EMC7: variants seen among roughly 807,000 people sequenced by gnomAD.
EMC7 encodes endoplasmic reticulum membrane protein complex subunit 7.
In EMC7, 4 loss-of-function variants were observed where a neutral mutation model predicts 24.4. The observed-to-expected ratio is 0.16, with a 90% CI of 0.08 to 0.38. The LOEUF is 0.38. Ranked by LOEUF, EMC7 falls within the 10% of genes least tolerant of loss-of-function variation. EMC7 has a pLI of 1.00. For synonymous variants in EMC7, 106 were observed against 112.0 expected, an observed-to-expected ratio of 0.95 and a Z score of 0.34; for missense variants, 221 against 300.6, an observed-to-expected ratio of 0.74 and a Z score of 1.96.
At position 34,084,421 on chromosome 15, in the gene EMC7, C is replaced by T. The variant is rs1392002056; in HGVS notation, c.642G>A (p.Met214Ile). The change falls in exon 5 of 5, where the codon ATG (methionine) becomes ATA (isoleucine). Residue 214 changes from methionine to isoleucine, a missense_variant. Coordinates refer to ENST00000256545, the MANE Select transcript of EMC7 (RefSeq NM_020154.3). ...NHELPDVSEF[M>I]TRLFSSKSSG... ...ATGATTTTGAAGAGAAGAGTCTTGT[C>T]ATGAACTCAGAAACATCAGGCAACT... 1 of 1,613,818 alleles carries T rather than the reference C, an allele frequency of 6.2e-7. No individual in the cohort carries two copies.
chr15:34,097,318 C>G lies in EMC7; in HGVS notation c.237-1304G>C, dbSNP rs543654985. Among the ~76,000 whole-genome samples the G allele has an allele frequency of 3.5e-3, 531 of 152,284 alleles. 3 individuals are homozygous for G. The highest frequency in any genetic ancestry group is 0.012 in the African/African-American group (502 of 41,558). On this transcript the variant is annotated intron_variant, in intron 1 of 4. Transcript: ENST00000256545. Reference sequence around the variant, plus strand: ...AAAGTGCTGGGATTACAGGCGTGAGCCACTGCGCCTGGCCGGTTTTCTGTT... The same window carrying G: ...AAAGTGCTGGGATTACAGGCGTGAGGCACTGCGCCTGGCCGGTTTTCTGTT...
At chr15:34,095,301 G>A (rs1346294153) in intron 2 of EMC7, among the ~76,000 whole-genome samples, 1 of 152,184 alleles carries the variant, frequency 6.6e-6, no homozygotes, top group Non-Finnish European at 1.5e-5. Context: ...CTATTATAAT[G>A]GGAAGCTGAC....
intron 1 of EMC7, among the ~76,000 whole-genome samples, chr15:34,097,766 C>T (rs1289334103): frequency 6.6e-6 from 1 of 151,936 alleles, no homozygotes; most frequent in Non-Finnish European, 1.5e-5. Context: ...AGCAAGATGA[C>T]GAGACCATCC....
At chr15:34,093,584 G>T in intron 2 of EMC7, among the ~76,000 whole-genome samples, 1 of 149,714 alleles carries the variant, frequency 6.7e-6, no homozygotes, top group Non-Finnish European at 1.5e-5. Context: ...ATTCCCTTTT[G>T]TGTAGCAGCT....
chr15:34,090,060 A>G (rs1012627971), intron 3 of EMC7, among the ~76,000 whole-genome samples: 2 of 152,254 alleles, frequency 1.3e-5, no homozygotes, highest in African/African-American at 4.8e-5. Context: ...TCTATTTGAA[A>G]TGTAAAACAT....
At chr15:34,099,715 C>T (rs536314700) in intron 1 of EMC7, among the ~76,000 whole-genome samples, 1 of 152,266 alleles carries the variant, frequency 6.6e-6, no homozygotes, top group East Asian at 1.9e-4. Context: ...AAGTGATCCT[C>T]CCACCTCAGC....
intron 2 of EMC7, among the ~76,000 whole-genome samples, chr15:34,093,244 C>T (rs1302260289): frequency 1.3e-5 from 2 of 152,088 alleles, no homozygotes; most frequent in Non-Finnish European, 2.9e-5. Context: ...TCGAAACCAT[C>T]CTGGCCAACA....
intron 4 of EMC7, 109 bp downstream of exon 4, chr15:34,087,944 C>G (rs978035361): frequency 4.4e-6 from 4 of 899,134 alleles, no homozygotes; most frequent in Non-Finnish European, 6.8e-6. Context: ...TAGCTTGAGC[C>G]CAGGAGTTTG....
chr15:34,098,622 ATTTTTT>A (rs34981831), intron 1 of EMC7, among the ~76,000 whole-genome samples: 2 of 128,166 alleles, frequency 1.6e-5, no homozygotes, highest in Non-Finnish European at 3.2e-5. Flanking sequence ...TGCCTGGCTG[ATTTTTT>A]TTTTTTTTTT....
intron 3 of EMC7, among the ~76,000 whole-genome samples, 166 bp downstream of exon 3, chr15:34,090,151 A>G (rs1900955592): frequency 6.6e-6 from 1 of 152,186 alleles, no homozygotes; most frequent in East Asian, 1.9e-4. Context: ...TCTCTTCATT[A>G]TGTATTCCCA....
At chr15:34,090,202 AT>A in intron 3 of EMC7, 114 bp downstream of exon 3, 1 of 1,043,518 alleles carries the variant, frequency 9.6e-7, no homozygotes, top group East Asian at 2.5e-5. Context: ...ATTCACAATT[AT>A]CCTTTCATCC....
chr15:34,086,618 G>A (rs574654215), intron 4 of EMC7, among the ~76,000 whole-genome samples: 93 of 152,006 alleles, frequency 6.1e-4, no homozygotes, highest in African/African-American at 2.0e-3. Flanking sequence ...TAGTAGAGAC[G>A]GGGTTTCACC....
chr15:34,100,376 G>A (rs1380711063), intron 1 of EMC7, among the ~76,000 whole-genome samples: 1 of 152,094 alleles, frequency 6.6e-6, no homozygotes, highest in African/African-American at 2.4e-5. Flanking sequence ...GAAACATTAA[G>A]GGTTGTTTTC....
chr15:34,093,215 G>A (rs2140869845), intron 2 of EMC7, among the ~76,000 whole-genome samples: 1 of 152,172 alleles, frequency 6.6e-6, no homozygotes, highest in South Asian at 2.1e-4. Flanking sequence ...CGAGGCAGGA[G>A]GATCATGATG....
chr15:34,090,284 T>C (rs1900956914), intron 3 of EMC7, 33 bp downstream of exon 3: 7 of 1,588,492 alleles, frequency 4.4e-6, no homozygotes, highest in Non-Finnish European at 6.0e-6. Flanking sequence ...AATTAGGTAT[T>C]AGTAAAGTGC....
At chr15:34,091,976 T>C (rs1010072240) in intron 2 of EMC7, among the ~76,000 whole-genome samples, 6 of 152,198 alleles carry the variant, frequency 3.9e-5, no homozygotes, top group Non-Finnish European at 8.8e-5. Flanking sequence ...TTATAAAATA[T>C]TGGTCAAGGC....
At chr15:34,090,772 G>C (rs1207316613) in intron 2 of EMC7, among the ~76,000 whole-genome samples, 1 of 152,084 alleles carries the variant, frequency 6.6e-6, no homozygotes. Flanking sequence ...AATCCTTCTG[G>C]TGCTAAAGTT....
At chr15:34,091,801 CT>C (rs1314634655) in intron 2 of EMC7, among the ~76,000 whole-genome samples, 1 of 152,156 alleles carries the variant, frequency 6.6e-6, no homozygotes, top group Non-Finnish European at 1.5e-5. Flanking sequence ...TGGGGAAGTG[CT>C]TTATAGTTTA....
chr15:34,098,622 A>ATTT (rs34981831), intron 1 of EMC7, among the ~76,000 whole-genome samples: 2 of 128,160 alleles, frequency 1.6e-5, no homozygotes, highest in African/African-American at 3.0e-5. Flanking sequence ...TGCCTGGCTG[A>ATTT]TTTTTTTTTT....
Sources: allele counts gnomAD v4.1 joint callset (sites outside exome capture counted in the v4.1 genomes callset), GRCh38; gene constraint gnomAD v4.1.1; transcripts MANE v1.5; gene names NCBI Gene and HGNC (gene_info 2026-07-23, HGNC 2026-07-21).